Variants in CNOT9 observed in about 807,000 individuals in gnomAD.
The protein encoded by CNOT9 is CCR4-NOT transcription complex subunit 9.
In CNOT9, 8 loss-of-function variants were observed where a neutral mutation model predicts 37.4. The ratio of observed to expected loss-of-function variants is 0.21; its 90% CI spans 0.13 to 0.39. CNOT9 has a LOEUF of 0.39. Among genes scored for constraint, CNOT9 ranks in the 10% least tolerant of loss-of-function variants. The probability of loss-of-function intolerance (pLI) is 1.00; values close to 1 mark genes in which losing one functional copy is unlikely to be tolerated. For synonymous variants in CNOT9, 120 were observed against 137.6 expected, an observed-to-expected ratio of 0.87 and a Z score of 0.90; for missense variants, 154 against 365.3, an observed-to-expected ratio of 0.42 and a Z score of 4.71.
At chr2:218,584,398 T>C (rs1694521061) in intron 3 of CNOT9, among the ~76,000 whole-genome samples, 1 of 152,246 alleles carries the variant, frequency 6.6e-6, no homozygotes, top group Non-Finnish European at 1.5e-5. Flanking sequence ...CAATCAAAGA[T>C]GTCTCCAGAC....
In CNOT9 at chr2:218,595,981, G is replaced by A. The variant is rs893523754; in HGVS notation, c.*1705G>A. The A allele has an allele frequency of 1.3e-5, 2 of 152,338 alleles. No individual in the cohort carries two copies. The highest frequency in any genetic ancestry group is 4.8e-5 in the African/African-American group (2 of 41,550). The allele number at this position is 152,338 out of a possible 1,614,324, so 9.4% of individuals were successfully genotyped here. A position where few individuals can be genotyped will look rare whatever the true frequency, so the allele number is the denominator to read the frequency against. On this transcript the variant is annotated 3_prime_UTR_variant, in exon 8 of 8. Coordinates refer to ENST00000273064, the MANE Select transcript of CNOT9 (RefSeq NM_005444.3). ...CCCTCAATAATTGCAAGCCTGAAGA[G>A]AAGTGATCTTAGAGAAAGCAGAGAA...
At position 218,574,471 on chromosome 2, in the gene CNOT9, G is replaced by GT. The variant is rs1373825433; in HGVS notation, c.24+5500dup. Among the ~76,000 whole-genome samples, 8 of 152,186 alleles carry GT rather than the reference G, an allele frequency of 5.3e-5. No homozygotes were observed. The South Asian group carries it at 1.7e-3, about 32-fold the overall frequency. On this transcript the variant is annotated intron_variant, in intron 1 of 7. Coordinates refer to ENST00000273064, the MANE Select transcript of CNOT9 (RefSeq NM_005444.3). ...CTAAGGGAATATTAAATTTAAGAAAGTTTTTTTGGGTTCTTAAGAGTAATT... is the reference window on the plus strand; with the variant it reads ...CTAAGGGAATATTAAATTTAAGAAAGTTTTTTTTGGGTTCTTAAGAGTAATT...
intron 4 of CNOT9, among the ~76,000 whole-genome samples, chr2:218,585,686 T>C (rs1258615995): frequency 6.6e-6 from 1 of 151,564 alleles, no homozygotes; most frequent in African/African-American, 2.4e-5. Context: ...TTGCCCACTC[T>C]TGAGTGCAGT....
intron 1 of CNOT9, chr2:218,573,889 G>A (rs985228420): frequency 6.7e-6 from 2 of 298,862 alleles, no homozygotes; most frequent in African/African-American, 4.6e-5. Flanking sequence ...AAAGGAGGGA[G>A]AGTTACCACC....
chr2:218,581,137 G>T, intron 2 of CNOT9: 1 of 285,354 alleles, frequency 3.5e-6, no homozygotes, highest in Non-Finnish European at 7.3e-6. Context: ...CTATGGAAAA[G>T]AAATGGGTTT....
chr2:218,593,672 G>A, intron 7 of CNOT9: 1 of 1,289,334 alleles, frequency 7.8e-7, no homozygotes, highest in Non-Finnish European at 1.0e-6. Context: ...AGCAATTTCT[G>A]TAAAGACACA....
At chr2:218,572,835 A>T in intron 1 of CNOT9, 1 of 309,164 alleles carries the variant, frequency 3.2e-6, no homozygotes, top group South Asian at 1.3e-4. Context: ...CAGCATCATT[A>T]GTTATTTTAC....
intron 1 of CNOT9, among the ~76,000 whole-genome samples, chr2:218,579,965 T>A (rs1694315061): frequency 6.7e-6 from 1 of 149,200 alleles, no homozygotes. Context: ...ACTACAGGCA[T>A]GCACCACCAC....
At chr2:218,594,061 G>T (rs776085512) in intron 7 of CNOT9, 47 bp from the exon 8 acceptor site, 11 of 1,589,350 alleles carry the variant, frequency 6.9e-6, no homozygotes, top group Non-Finnish European at 9.5e-6. Flanking sequence ...ACAAAATGTG[G>T]GTTTATTTGT....
At chr2:218,581,950 T>C (rs1192477295) in intron 2 of CNOT9, among the ~76,000 whole-genome samples, 1 of 151,814 alleles carries the variant, frequency 6.6e-6, no homozygotes, top group African/African-American at 2.4e-5. Flanking sequence ...GGCTTGGTGG[T>C]ACACTCCTGT....
chr2:218,575,256 A>G (rs1694125607), intron 1 of CNOT9, among the ~76,000 whole-genome samples: 1 of 152,122 alleles, frequency 6.6e-6, no homozygotes, highest in Non-Finnish European at 1.5e-5. Context: ...ACAGATTCTT[A>G]ATCCTGGGTA....
At position 218,592,750 on chromosome 2, in the gene CNOT9, G is replaced by T; in HGVS notation, c.731+43G>T. 1 of 1,492,952 alleles carries T rather than the reference G, an allele frequency of 6.7e-7. No homozygotes were observed. The highest frequency in any genetic ancestry group is 1.1e-5 in the South Asian group (1 of 88,598). 92.5% of individuals were successfully genotyped at this position (1,492,952 alleles called of 1,614,324 possible). On this transcript the variant is annotated intron_variant, in intron 7 of 7. Coordinates refer to ENST00000273064, the MANE Select transcript of CNOT9 (RefSeq NM_005444.3). This position sits in a 1 kb window ranked among gnomAD's most constrained non-coding sequence, Gnocchi z 4.1. Reference sequence around the variant, plus strand: ...GTATAGGACTTTAGGGAAATACTCTGCTGAACAGTTTCCTAATCTCATGGC... The same window carrying T: ...GTATAGGACTTTAGGGAAATACTCTTCTGAACAGTTTCCTAATCTCATGGC...
Position 218,580,747 on chromosome 2 carries a change from TCATGTC to T in CNOT9, c.204+12_204+17del. 1.2e-6 allele frequency: 2 copies of T among 1,610,834 alleles called. No homozygotes were observed. Among genetic ancestry groups the T allele is most frequent in the Non-Finnish European group, 1.7e-6 (2 of 1,178,004 alleles). On this transcript the variant is annotated splice_region_variant and intron_variant, in intron 2 of 7. Transcript: ENST00000273064. ...TATTGCAGCACTTTTACAGGTGGGT[TCATGTC>T]CATGATTGGCAGTTCAGTTCTTTTC...
At chr2:218,580,888 A>G in intron 2 of CNOT9, 148 bp downstream of exon 2, 1 of 768,056 alleles carries the variant, frequency 1.3e-6, no homozygotes, top group East Asian at 2.7e-5. Flanking sequence ...GGTCTGAGGT[A>G]TTTGTTAAAA....
chr2:218,582,224 A>G (rs1022297565), intron 2 of CNOT9, among the ~76,000 whole-genome samples: 1 of 152,180 alleles, frequency 6.6e-6, no homozygotes, highest in Non-Finnish European at 1.5e-5. Flanking sequence ...ACCAAATTCA[A>G]ACTTCTTTAT....
chr2:218,579,308 A>G (rs1694284120), intron 1 of CNOT9, among the ~76,000 whole-genome samples: 1 of 152,110 alleles, frequency 6.6e-6, no homozygotes. Context: ...TTATTTTTAT[A>G]TGTGTGTATA....
At chr2:218,574,304 T>C in intron 1 of CNOT9, 1 of 168,256 alleles carries the variant, frequency 5.9e-6, no homozygotes, top group Non-Finnish European at 1.3e-5. Flanking sequence ...TCTACGGTAA[T>C]GTACTATAGA....
At chr2:218,583,174 G>T in intron 3 of CNOT9, 88 bp downstream of exon 3, 5 of 701,216 alleles carry the variant, frequency 7.1e-6, no homozygotes, top group East Asian at 3.2e-5. Context: ...AGGGCATGGA[G>T]GAGAGAGAGA....
chr2:218,596,735 G>A lies in CNOT9; in HGVS notation c.*2459G>A, dbSNP rs1694934348. ...CTGGCCATATTGGCCAGAACTTAGT[G>A]CCAGTGTAGGGAGAGACTTCCATAG... On this transcript the variant is annotated 3_prime_UTR_variant, in exon 8 of 8. Coordinates refer to ENST00000273064, the MANE Select transcript of CNOT9 (RefSeq NM_005444.3). 1 of 152,244 alleles carries A rather than the reference G, an allele frequency of 6.6e-6. No individual in the cohort carries two copies. 9.4% of individuals were successfully genotyped at this position (152,244 alleles called of 1,614,324 possible).
Sources: allele counts gnomAD v4.1 joint callset (sites outside exome capture counted in the v4.1 genomes callset), GRCh38; gene constraint gnomAD v4.1.1; non-coding constraint Gnocchi (gnomAD v3.1); transcripts MANE v1.5; gene names NCBI Gene and HGNC (gene_info 2026-07-23, HGNC 2026-07-21).